ESR1: variants seen among roughly 807,000 people sequenced by gnomAD.
ESR1 encodes the protein estrogen receptor.
In ESR1, 12 loss-of-function variants were observed where a neutral mutation model predicts 52.7. The ratio of observed to expected loss-of-function variants is 0.23; its 90% CI spans 0.15 to 0.37. The LOEUF is 0.37. Ranked by LOEUF, ESR1 falls within the 10% of genes least tolerant of loss-of-function variation. ESR1 has a pLI of 1.00. For synonymous variants in ESR1, 305 were observed against 316.8 expected (o/e 0.96, Z 0.39); for missense variants, 584 against 779.7 (o/e 0.75, Z 2.99).
At chr6:152,008,123 C>T (rs961831980) in intron 4 of ESR1, among the ~76,000 whole-genome samples, 3 of 152,030 alleles carry the variant, frequency 2.0e-5, no homozygotes, top group Admixed American at 1.3e-4. Context: ...TAGTTAGATG[C>T]TGTGTGGTAA....
At chr6:151,855,103 G>A (rs924506193) in intron 2 of ESR1, among the ~76,000 whole-genome samples, 3 of 152,104 alleles carry the variant, frequency 2.0e-5, no homozygotes, top group East Asian at 1.9e-4. Flanking sequence ...TGGTGGAGAC[G>A]GGGTTTCACT....
chr6:151,755,923 G>A (rs141948177), intron 2 of ESR1, among the ~76,000 whole-genome samples: 1,826 of 151,966 alleles, frequency 0.012, 12 homozygotes, highest in East Asian at 0.03. Context: ...GAGCCACCGC[G>A]CCCAGCCATG....
chr6:151,773,766 A>C (rs1257640129), intron 2 of ESR1, among the ~76,000 whole-genome samples: 1 of 152,224 alleles, frequency 6.6e-6, no homozygotes. Context: ...GCAGAACTTA[A>C]GAATGGAATC....
intron 5 of ESR1, among the ~76,000 whole-genome samples, chr6:152,012,080 T>C (rs1272916047): frequency 6.6e-6 from 1 of 151,628 alleles, no homozygotes; most frequent in Non-Finnish European, 1.5e-5. Flanking sequence ...TCTGTCATTA[T>C]GAATGGTAAT....
intron 4 of ESR1, among the ~76,000 whole-genome samples, chr6:151,955,751 G>T (rs1022424414): frequency 4.6e-5 from 7 of 152,090 alleles, no homozygotes; most frequent in African/African-American, 1.7e-4. Flanking sequence ...TAGGTTCAGG[G>T]GTACATGTGC....
intron 4 of ESR1, among the ~76,000 whole-genome samples, chr6:151,976,545 TCA>T (rs1429593345): frequency 1.3e-5 from 2 of 152,202 alleles, no homozygotes; most frequent in East Asian, 1.9e-4. Flanking sequence ...GTGAAGTATC[TCA>T]TCAGAATAGT....
chr6:152,129,083 G>T (rs376051688), exon 7 of ESR1: 5 of 152,266 alleles, frequency 3.3e-5, no homozygotes, highest in Non-Finnish European at 7.3e-5. Flanking sequence ...TGCGAGTGTC[G>T]TAGTGAGAAT....
chr6:151,951,322 CT>C (rs2036300381), intron 4 of ESR1, among the ~76,000 whole-genome samples: 1 of 152,090 alleles, frequency 6.6e-6, no homozygotes, highest in South Asian at 2.1e-4. Flanking sequence ...TTTCAGACTT[CT>C]TTTATACTTG....
rs966648517 is a variant in ESR1, at chr6:151,922,132, A to G, written c.761-22041A>G. Among the ~76,000 whole-genome samples, 12 of 152,216 alleles carry G rather than the reference A, an allele frequency of 7.9e-5. 1 individual carries two copies. The highest frequency in any genetic ancestry group is 4.4e-5 in the Non-Finnish European group (3 of 68,032). The stretch of plus-strand genomic sequence containing the variant: ...ATACAGACACATAGACCAATGGAAC[A>G]GAATAGAGAACTCAGAAATAAGACC... On this transcript the variant is annotated intron_variant, in intron 3 of 7. Transcript: ENST00000206249.
intron 2 of ESR1, among the ~76,000 whole-genome samples, chr6:151,765,550 C>T (rs17081662): frequency 0.042 from 6,382 of 152,036 alleles, 171 homozygotes; most frequent in African/African-American, 0.077. Context: ...TATTTTTTTT[C>T]CTATAGCTAA....
At chr6:152,023,231 A>G (rs1437912196) in intron 5 of ESR1, among the ~76,000 whole-genome samples, 1 of 152,170 alleles carries the variant, frequency 6.6e-6, no homozygotes, top group African/African-American at 2.4e-5. Context: ...TCTTTGAGGT[A>G]TTTGTCAGTG....
intron 1 of ESR1, among the ~76,000 whole-genome samples, chr6:151,834,729 G>A (rs1783018809): frequency 6.6e-6 from 1 of 152,050 alleles, no homozygotes; most frequent in Non-Finnish European, 1.5e-5. Flanking sequence ...ACAAACCAGT[G>A]TAAGAGGATG....
intron 2 of ESR1, among the ~76,000 whole-genome samples, chr6:151,856,003 G>A (rs919317566): frequency 6.6e-6 from 1 of 152,100 alleles, no homozygotes; most frequent in African/African-American, 2.4e-5. Flanking sequence ...ATAGAATAGT[G>A]TGGGTTTAAA....
intron 1 of ESR1, among the ~76,000 whole-genome samples, chr6:151,815,505 C>T (rs1779475462): frequency 6.6e-6 from 1 of 152,142 alleles, no homozygotes; most frequent in Non-Finnish European, 1.5e-5. Flanking sequence ...GCATCAGGGA[C>T]ATGGTTTGCT....
intron 2 of ESR1, among the ~76,000 whole-genome samples, chr6:151,759,003 G>A (rs781424417): frequency 4.6e-5 from 7 of 151,318 alleles, no homozygotes; most frequent in African/African-American, 1.7e-4. Flanking sequence ...AAGGCCGGAC[G>A]CAGTGGCTCA....
At chr6:152,051,498 AC>A (rs1372738779) in intron 5 of ESR1, among the ~76,000 whole-genome samples, 5 of 151,882 alleles carry the variant, frequency 3.3e-5, no homozygotes, top group Non-Finnish European at 7.4e-5. Flanking sequence ...GACCTGGGAC[AC>A]CCCTCCTCCT....
At chr6:152,029,659 G>T (rs947547424) in intron 5 of ESR1, among the ~76,000 whole-genome samples, 1 of 152,142 alleles carries the variant, frequency 6.6e-6, no homozygotes, top group Non-Finnish European at 1.5e-5. Flanking sequence ...CCAAATCTAC[G>T]TCTGATTGGT....
chr6:151,920,486 T>A (rs1266990916), intron 3 of ESR1, among the ~76,000 whole-genome samples: 1 of 152,184 alleles, frequency 6.6e-6, no homozygotes, highest in Non-Finnish European at 1.5e-5. Context: ...AGTAACTAAA[T>A]CTATACTTTA....
chr6:151,982,945 A>G (rs548260331), intron 4 of ESR1, among the ~76,000 whole-genome samples: 2 of 152,252 alleles, frequency 1.3e-5, no homozygotes, highest in East Asian at 3.9e-4. Context: ...TTTTGGGTTG[A>G]AAAAGTAAAT....
Sources: gnomAD v4.1 joint callset for allele counts (sites outside exome capture counted in the v4.1 genomes callset) on GRCh38, gnomAD v4.1.1 for gene constraint, MANE v1.5 for transcripts, NCBI Gene and HGNC (gene_info 2026-07-23, HGNC 2026-07-21) for gene names.